MARF1: variants seen among roughly 807,000 people sequenced by gnomAD.
The protein encoded by MARF1 is meiosis regulator and mRNA stability factor 1.
MARF1 carries 24 observed loss-of-function variants against 168.2 expected under a neutral mutation model. The observed-to-expected ratio is 0.14, with a 90% CI of 0.10 to 0.20. MARF1 has a LOEUF of 0.20. MARF1 is among the 10% of genes least tolerant of loss of function. MARF1 has a pLI of 1.00. For synonymous variants in MARF1, 868 were observed against 822.4 expected, an observed-to-expected ratio of 1.06 and a Z score of -0.95; for missense variants, 1,744 against 2,143.6, an observed-to-expected ratio of 0.81 and a Z score of 3.68.
Position 15,604,300 on chromosome 16 carries a change from T to C in MARF1, c.4281A>G (p.Glu1427=), listed in dbSNP as rs2032808114. The change falls in exon 22 of 27, where the codon GAA becomes GAG. Residue 1427 remains glutamate (E), a synonymous_variant. Coordinates refer to ENST00000396368, the MANE Select transcript of MARF1 (RefSeq NM_014647.4). ...CCTCAACAGAAAGATGGGTGGTTCC[T>C]TCCCAAGACATCAACAATACCAGCA... ...AQLLVLLMSW[E]GTTHLSVEEL... is the part of the protein sequence containing the mutation. The C allele has an allele frequency of 2.5e-6, 4 of 1,614,108 alleles. No individual in the cohort carries two copies. Among genetic ancestry groups the C allele is most frequent in the Non-Finnish European group, 3.4e-6 (4 of 1,179,986 alleles).
intron 16 of MARF1, among the ~76,000 whole-genome samples, chr16:15,614,179 T>G (rs187943832): frequency 6.6e-6 from 1 of 152,126 alleles, no homozygotes; most frequent in Non-Finnish European, 1.5e-5. Flanking sequence ...GAAAGTACTT[T>G]TTTTTTTAAA....
intron 3 of MARF1, 75 bp downstream of exon 3, chr16:15,635,576 ACTTTT>A: frequency 7.9e-7 from 1 of 1,273,012 alleles, no homozygotes; most frequent in Non-Finnish European, 1.1e-6. Context: ...CATGTATAAT[ACTTTT>A]CAAGATAAAT....
In MARF1 at chr16:15,625,064, G is replaced by A. The variant is rs371559993; in HGVS notation, c.2063C>T (p.Thr688Met). 52 of 1,614,040 alleles carry A rather than the reference G, an allele frequency of 3.2e-5. No homozygotes were observed. The highest frequency in any genetic ancestry group is 2.5e-4 in the Admixed American group (15 of 59,988). The change falls in exon 9 of 27, where the codon ACG becomes ATG. Residue 688 changes from threonine (T) to methionine (M), a missense_variant. Thr to Met is a moderately conservative substitution (Grantham distance 81). This residue lies in a region of MARF1 where 270 missense variants were observed against 260.6 expected (regional missense o/e 1.04). Coordinates refer to ENST00000396368, the MANE Select transcript of MARF1 (RefSeq NM_014647.4). ...THGNSSAAVS[T>M]PKNSGVAEPV... ...TTCTGCCACCCCCGAGTTTTTCGGC[G>A]TCGACACTGCAGCACTTGAGTTACC... is the stretch of plus-strand genomic sequence containing the variant.
intron 16 of MARF1, among the ~76,000 whole-genome samples, chr16:15,614,201 G>A (rs918997627): frequency 1.3e-5 from 2 of 151,836 alleles, no homozygotes; most frequent in South Asian, 2.1e-4. Flanking sequence ...ACAGAGTTTC[G>A]GCCAGGTGCG....
chr16:15,620,427 A>G (rs1050681680), intron 13 of MARF1, 24 bp downstream of exon 13: 1 of 1,517,882 alleles, frequency 6.6e-7, no homozygotes, highest in African/African-American at 1.4e-5. Context: ...CTGACTGGAT[A>G]AAGAAAAAAT....
chr16:15,642,541 T>C (rs895376514), intron 1 of MARF1: 8 of 152,166 alleles, frequency 5.3e-5, no homozygotes, highest in African/African-American at 1.4e-4. Context: ...CTCTAAAAGG[T>C]GTATCACGAG....
At chr16:15,602,649 A>G (rs931686177) in intron 22 of MARF1, 3 of 63,724 alleles carry the variant, frequency 4.7e-5, no homozygotes, top group African/African-American at 8.5e-4. Context: ...GGAGAAAGAA[A>G]AGGAGGAGGG....
intron 10 of MARF1, 44 bp from the exon 11 acceptor site, chr16:15,623,167 T>C (rs894061292): frequency 1.4e-6 from 2 of 1,443,922 alleles, no homozygotes; most frequent in Non-Finnish European, 1.9e-6. Flanking sequence ...AAAACTGTTC[T>C]GTATATTTAG....
chr16:15,626,862 C>T (rs903612110), intron 7 of MARF1, among the ~76,000 whole-genome samples: 1 of 150,618 alleles, frequency 6.6e-6, no homozygotes, highest in Non-Finnish European at 1.5e-5. Context: ...ACTCCAGAGG[C>T]TGAGGCAGAA....
chr16:15,634,664 T>TA (rs2035468773), intron 4 of MARF1, 93 bp downstream of exon 4: 1 of 1,242,362 alleles, frequency 8.0e-7, no homozygotes, highest in East Asian at 2.4e-5. Context: ...TTTAGAACCA[T>TA]AAGGAATCCT....
chr16:15,602,447 G>T lies in MARF1; in HGVS notation c.4414-244C>A, dbSNP rs568627665. ...AAGACAAAGACGACGAGACAAAAAC[G>T]AAGATAAAGACGACAAAGATGAAGA... On this transcript the variant is annotated intron_variant, in intron 22 of 26. Coordinates refer to ENST00000396368, the MANE Select transcript of MARF1 (RefSeq NM_014647.4). 5 of 601,484 alleles carry T rather than the reference G, an allele frequency of 8.3e-6. No individual in the cohort carries two copies. The Admixed American group carries it at 1.3e-4, about 16-fold the overall frequency. 37.3% of individuals were successfully genotyped at this position (601,484 alleles called of 1,614,324 possible). A position where few individuals can be genotyped will look rare whatever the true frequency, so the allele number is the denominator to read the frequency against.
intron 23 of MARF1, chr16:15,601,029 T>C (rs1596431235): frequency 1.7e-6 from 1 of 583,604 alleles, no homozygotes; most frequent in African/African-American, 1.8e-5. Context: ...CTTTGCCATT[T>C]TTTTGCAGAA....
intron 19 of MARF1, chr16:15,610,228 T>C (rs1647177647): frequency 6.5e-6 from 1 of 153,596 alleles, no homozygotes; most frequent in South Asian, 2.0e-4. Flanking sequence ...TAAGCTGAGA[T>C]TGTTTCTATT....
chr16:15,633,330 C>T (rs1036354262), intron 5 of MARF1, among the ~76,000 whole-genome samples: 1 of 151,976 alleles, frequency 6.6e-6, no homozygotes, highest in Non-Finnish European at 1.5e-5. Context: ...AGAATACAGT[C>T]ATGGGTTCTT....
At position 15,633,812 on chromosome 16, in the gene MARF1, C is replaced by T. The variant is rs368972529; in HGVS notation, c.1038G>A (p.Val346=). Residue 346 remains valine, a synonymous_variant, in exon 5 of 27, where the codon GTG becomes GTA. Coordinates refer to ENST00000396368, the MANE Select transcript of MARF1 (RefSeq NM_014647.4). ...GSPEVAVAGQ[V]LENLPPIGVF... ...CTCCAATGGGGGGTAAGTTTTCTAG[C>T]ACCTGTCCAGCTACTGCAACTTCTG... 10 of 1,613,622 alleles carry T rather than the reference C, an allele frequency of 6.2e-6. No homozygotes were observed. The African/African-American group carries it at 1.3e-4, about 22-fold the overall frequency.
Position 15,596,630 on chromosome 16 carries a change from C to A in MARF1, c.*63G>T. The A allele has an allele frequency of 6.9e-7, 1 of 1,455,902 alleles. No homozygotes were observed. Among genetic ancestry groups the A allele is most frequent in the South Asian group, 1.6e-5 (1 of 63,942 alleles). The allele number at this position is 1,455,902 out of a possible 1,614,324, so 90.2% of individuals were successfully genotyped here. On this transcript the variant is annotated 3_prime_UTR_variant, in exon 27 of 27. Coordinates refer to ENST00000396368, the MANE Select transcript of MARF1 (RefSeq NM_014647.4). Reference sequence around the variant, plus strand: ...CACAGAAAAGGATGTATTTTTGAAACCCACTTTTGTGTGCAGAATCAGACA... The same window carrying A: ...CACAGAAAAGGATGTATTTTTGAAAACCACTTTTGTGTGCAGAATCAGACA...
intron 21 of MARF1, among the ~76,000 whole-genome samples, chr16:15,606,824 A>AC (rs1555521493): frequency 1.3e-5 from 2 of 151,924 alleles, no homozygotes; most frequent in Non-Finnish European, 1.5e-5. Flanking sequence ...AGGTAGGAAA[A>AC]CCAACAGCCC....
chr16:15,621,326 A>G (rs2034445333), intron 12 of MARF1, among the ~76,000 whole-genome samples: 1 of 152,198 alleles, frequency 6.6e-6, no homozygotes, highest in South Asian at 2.1e-4. Context: ...CTGAGTATCT[A>G]TTTGACACTA....
Position 15,633,124 on chromosome 16 carries a change from G to A in MARF1, c.1233+493C>T, listed in dbSNP as rs2035355192. Among the ~76,000 whole-genome samples, 4 of 147,402 alleles carry A rather than the reference G, an allele frequency of 2.7e-5. No individual in the cohort carries two copies. In the South Asian group the frequency reaches 8.5e-4, roughly 31 times the overall value. ...TTTTATTTGAAAACTTGGCACAAATGCAATATCATTAAACAAATTTTCAAT... is the reference window on the plus strand; with the variant it reads ...TTTTATTTGAAAACTTGGCACAAATACAATATCATTAAACAAATTTTCAAT... On this transcript the variant is annotated intron_variant, in intron 5 of 26. Coordinates refer to ENST00000396368, the MANE Select transcript of MARF1 (RefSeq NM_014647.4).
Sources: gnomAD v4.1 joint callset for allele counts (sites outside exome capture counted in the v4.1 genomes callset) on GRCh38, gnomAD v4.1.1 for gene constraint, gnomAD v4.1.1 regional missense constraint, MANE v1.5 for transcripts, NCBI Gene and HGNC (gene_info 2026-07-23, HGNC 2026-07-21) for gene names.